The following FAM20A variants were observed in gnomAD, a reference collection of about 807,000 sequenced individuals.
The protein encoded by FAM20A is FAM20A golgi associated secretory pathway pseudokinase.
FAM20A carries 42 observed loss-of-function variants against 52.0 expected under a neutral mutation model. The ratio of observed to expected loss-of-function variants is 0.81; its 90% CI spans 0.63 to 1.04. The LOEUF is 1.04. Among genes scored for constraint, FAM20A ranks in the 50% least tolerant of loss-of-function variants. FAM20A has a pLI of 0.00. For synonymous variants in FAM20A, 304 were observed against 298.9 expected, an observed-to-expected ratio of 1.02 and a Z score of -0.18; for missense variants, 742 against 712.7, an observed-to-expected ratio of 1.04 and a Z score of -0.47.
chr17:68,557,400 A>C (rs2087084597), intron 1 of FAM20A: 1 of 151,946 alleles, frequency 6.6e-6, no homozygotes, highest in Non-Finnish European at 1.5e-5. Context: ...CTGGGGAGTG[A>C]TTAGGTTATG....
chr17:68,566,566 A>G (rs1461122774), intron 1 of FAM20A, among the ~76,000 whole-genome samples: 2 of 152,212 alleles, frequency 1.3e-5, no homozygotes, highest in African/African-American at 4.8e-5. Context: ...GAGTTAGGCA[A>G]TGCTACAGCA....
At chr17:68,546,676 A>G (rs2086581730) in intron 4 of FAM20A, among the ~76,000 whole-genome samples, 2 of 152,182 alleles carry the variant, frequency 1.3e-5, no homozygotes, top group South Asian at 4.2e-4. Flanking sequence ...TAAAAATACA[A>G]AAAATTATCC....
chr17:68,581,432 TTTC>T lies in FAM20A; in HGVS notation c.404+18828_404+18830del, dbSNP rs1208536761. Among the ~76,000 whole-genome samples, 1,329 of 137,042 alleles carry T rather than the reference TTTC, an allele frequency of 9.7e-3. 34 individuals are homozygous for T. The highest frequency in any genetic ancestry group is 0.037 in the African/African-American group (1,273 of 34,776). 89.9% of individuals were successfully genotyped at this position (137,042 alleles called of 152,430 possible). On this transcript the variant is annotated intron_variant, in intron 1 of 10. Coordinates refer to ENST00000592554, the MANE Select transcript of FAM20A (RefSeq NM_017565.4). ...TTTCTTTCTTTTTCTCTTTTCTTTC[TTTC>T]TTTTCTTTTTTTCTTTTCTTTCTTT...
intron 1 of FAM20A, among the ~76,000 whole-genome samples, chr17:68,575,395 A>T (rs9892605): frequency 0.017 from 2,228 of 133,538 alleles, 51 homozygotes; most frequent in African/African-American, 0.059. Flanking sequence ...ATATATATAT[A>T]TTTTATATAT....
chr17:68,597,427 C>T (rs1308037352), intron 1 of FAM20A, among the ~76,000 whole-genome samples: 2 of 152,062 alleles, frequency 1.3e-5, no homozygotes, highest in East Asian at 3.9e-4. Context: ...CTGTGTTGCC[C>T]AGGCTGGAGT....
chr17:68,583,841 G>A (rs1297327184), intron 1 of FAM20A, among the ~76,000 whole-genome samples: 2 of 151,792 alleles, frequency 1.3e-5, no homozygotes, highest in Non-Finnish European at 2.9e-5. Flanking sequence ...GGTGGAGATC[G>A]TGCCACCGCA....
chr17:68,575,789 T>TCACACACACACAC (rs2087746114), intron 1 of FAM20A, among the ~76,000 whole-genome samples: 1 of 41,338 alleles, frequency 2.4e-5, no homozygotes, highest in East Asian at 7.0e-4. Context: ...TATTTTATAT[T>TCACACACACACAC]ATACACACAC....
At chr17:68,540,546 C>A (rs1314957220) in intron 8 of FAM20A, 1 of 512,608 alleles carries the variant, frequency 2.0e-6, no homozygotes, top group Non-Finnish European at 3.8e-6. Flanking sequence ...TCCCTTCCTA[C>A]CTGGTTTCCC....
chr17:68,571,380 G>A (rs192694823), intron 1 of FAM20A, among the ~76,000 whole-genome samples: 2 of 152,288 alleles, frequency 1.3e-5, no homozygotes, highest in East Asian at 3.9e-4. Flanking sequence ...GCTTGAACAC[G>A]TTTCCTGCTG....
chr17:68,590,078 C>T (rs1174612273), intron 1 of FAM20A: 1 of 152,152 alleles, frequency 6.6e-6, no homozygotes, highest in African/African-American at 2.4e-5. Context: ...CATAATGGTG[C>T]ATAACACAAT....
At position 68,600,059 on chromosome 17, in the gene FAM20A, A is replaced by C. The variant is rs899009041; in HGVS notation, c.404+204T>G. ...GCAATAGAAACTTTTTCCTCGTACT[A>C]TCTGACTCCGGGACTGGACTGTGAG... On this transcript the variant is annotated intron_variant, in intron 1 of 10. Transcript: ENST00000592554. This position sits in a 1 kb window ranked among gnomAD's most constrained non-coding sequence, Gnocchi z 6.2. Among the ~76,000 whole-genome samples the C allele has an allele frequency of 1.3e-5, 2 of 152,176 alleles. No individual in the cohort carries two copies. Among genetic ancestry groups the C allele is most frequent in the Non-Finnish European group, 2.9e-5 (2 of 68,032 alleles).
chr17:68,596,524 C>A (rs887387969), intron 1 of FAM20A, among the ~76,000 whole-genome samples: 1 of 152,206 alleles, frequency 6.6e-6, no homozygotes. Flanking sequence ...GAGAAGAAAT[C>A]CAAAGCTCAG....
intron 4 of FAM20A, 72 bp from the exon 5 acceptor site, chr17:68,543,793 A>G: frequency 7.6e-7 from 1 of 1,308,768 alleles, no homozygotes; most frequent in Non-Finnish European, 1.1e-6. Context: ...GCTGATGAGC[A>G]TGACCAGCGA....
At position 68,535,930 on chromosome 17, in the gene FAM20A, ACTCT is replaced by A. The variant is rs979417839; in HGVS notation, c.*1543_*1546del. 2.2e-6 allele frequency: 1 copy of A among 453,946 alleles called. No individual in the cohort carries two copies. Among genetic ancestry groups the A allele is most frequent in the Non-Finnish European group, 4.4e-6 (1 of 226,774 alleles). The allele number at this position is 453,946 out of a possible 1,614,324, so 28.1% of individuals were successfully genotyped here. ...ACCACTAAATTGTGTGATTTTGCTT[ACTCT>A]CTCTGAGATTTAAAGTTCTTCCATG... is the stretch of plus-strand genomic sequence containing the variant. On this transcript the variant is annotated 3_prime_UTR_variant, in exon 11 of 11. Coordinates refer to ENST00000592554, the MANE Select transcript of FAM20A (RefSeq NM_017565.4).
intron 8 of FAM20A, chr17:68,540,403 C>G: frequency 4.4e-6 from 2 of 452,066 alleles, no homozygotes; most frequent in South Asian, 3.2e-5. Flanking sequence ...GACCTAAGCT[C>G]CTGTATGACG....
chr17:68,548,875 G>A (rs919051726), intron 4 of FAM20A, among the ~76,000 whole-genome samples: 2 of 151,392 alleles, frequency 1.3e-5, no homozygotes, highest in Non-Finnish European at 2.9e-5. Flanking sequence ...TGGGACTACC[G>A]GCACCCACCA....
rs576592502 is a variant in FAM20A at position 68,571,656 on chromosome 17, AAAG to A, written c.405-15916_405-15914del. On this transcript the variant is annotated intron_variant, in intron 1 of 10. Coordinates refer to ENST00000592554, the MANE Select transcript of FAM20A (RefSeq NM_017565.4). ...TTCTTATCCTTGACGTGGGTCCTAG[AAAG>A]AACATTTTCTCAAGGTTGTTTTTCT... is the stretch of plus-strand genomic sequence containing the variant. 2.0e-4 allele frequency among the ~76,000 whole-genome samples: 30 copies of A among 152,270 alleles called. 1 individual carries two copies. The South Asian group carries it at 6.0e-3, about 31-fold the overall frequency.
chr17:68,537,422 C>T lies in FAM20A; in HGVS notation c.*55G>A, dbSNP rs577021566. 2.5e-6 allele frequency: 4 copies of T among 1,611,402 alleles called. No homozygotes were observed. The highest frequency in any genetic ancestry group is 2.2e-5 in the East Asian group (1 of 44,884). On this transcript the variant is annotated 3_prime_UTR_variant, in exon 11 of 11. Coordinates refer to ENST00000592554, the MANE Select transcript of FAM20A (RefSeq NM_017565.4). This position sits in a 1 kb window ranked among gnomAD's most constrained non-coding sequence, Gnocchi z 4.2. Reference sequence around the variant, plus strand: ...GGAGTGAGGACGCAGGGTCGGCACTCGAGTCGACTGCTCTGGCTCCAGGCG... The same window carrying T: ...GGAGTGAGGACGCAGGGTCGGCACTTGAGTCGACTGCTCTGGCTCCAGGCG...
At chr17:68,572,951 C>G (rs2087606870) in intron 1 of FAM20A, among the ~76,000 whole-genome samples, 3 of 152,108 alleles carry the variant, frequency 2.0e-5, no homozygotes, top group Admixed American at 2.0e-4. Flanking sequence ...TCTGCTAGAC[C>G]CCAAAGTGAG....
Sources: allele counts gnomAD v4.1 joint callset (sites outside exome capture counted in the v4.1 genomes callset), GRCh38; gene constraint gnomAD v4.1.1; non-coding constraint Gnocchi (gnomAD v3.1); transcripts MANE v1.5; gene names NCBI Gene and HGNC (gene_info 2026-07-23, HGNC 2026-07-21).